NCAPH2: variants seen among roughly 807,000 people sequenced by gnomAD.
The protein encoded by NCAPH2 is non-SMC condensin II complex subunit H2.
NCAPH2 carries 56 observed loss-of-function variants against 88.6 expected under a neutral mutation model. The ratio of observed to expected loss-of-function variants is 0.63; its 90% CI spans 0.51 to 0.79. The LOEUF is 0.79. NCAPH2 is among the 30% of genes least tolerant of loss of function. The pLI is 0.00. For missense variants in NCAPH2, 794 were observed against 792.0 expected, an observed-to-expected ratio of 1.00 and a Z score of -0.03; for synonymous variants, 378 against 313.6, an observed-to-expected ratio of 1.21 and a Z score of -2.17.
intron 1 of NCAPH2, among the ~76,000 whole-genome samples, chr22:50,510,319 T>C (rs994413873): frequency 2.0e-5 from 3 of 152,176 alleles, no homozygotes; most frequent in Admixed American, 6.5e-5. Context: ...CAGGCTGGTC[T>C]CAAACTGCTG....
chr22:50,519,483 C>A (rs977160107), intron 9 of NCAPH2, 163 bp downstream of exon 9: 1 of 1,438,320 alleles, frequency 7.0e-7, no homozygotes, highest in Non-Finnish European at 9.1e-7. Context: ...TGCAACCAGC[C>A]CTTTTGAAGA....
chr22:50,517,042 C>G (rs1218267006), intron 2 of NCAPH2, among the ~76,000 whole-genome samples: 1 of 152,192 alleles, frequency 6.6e-6, no homozygotes, highest in Non-Finnish European at 1.5e-5. Flanking sequence ...CTGGCGGGAG[C>G]ACACGGGCGG....
chr22:50,524,191 G>A lies in NCAPH2; in HGVS notation c.*816G>A, dbSNP rs773919773. 3 of 1,608,772 alleles carry A rather than the reference G, an allele frequency of 1.9e-6. No homozygotes were observed. In the South Asian group the frequency reaches 3.3e-5, roughly 18 times the overall value. On this transcript the variant is annotated 3_prime_UTR_variant, in exon 20 of 20. Transcript: ENST00000420993. ...CTTCTCAGCCCTCAGGGCCAGCCAG[G>A]CCCCACCGAGTCCAGCCCCGAACAG...
chr22:50,510,212 C>T (rs533237739), intron 1 of NCAPH2, among the ~76,000 whole-genome samples: 6 of 152,228 alleles, frequency 3.9e-5, no homozygotes, highest in East Asian at 3.9e-4. Context: ...TGAGCCACCG[C>T]GCCCGGCCTC....
In NCAPH2 at chr22:50,523,636, GCCATGTGCCGCCGCACACT is replaced by G. The variant is rs2069186085; in HGVS notation, c.*262_*280del. ...TCAAGACAGGACACTGCGGAAAGCC[GCCATGTGCCGCCGCACACT>G]GTCTGAGATCTGCTCAGCCGATCTG... On this transcript the variant is annotated 3_prime_UTR_variant, in exon 20 of 20. Transcript: ENST00000420993. 1.9e-6 allele frequency: 3 copies of G among 1,613,646 alleles called. No homozygotes were observed. The highest frequency in any genetic ancestry group is 2.5e-6 in the Non-Finnish European group (3 of 1,180,052).
intron 9 of NCAPH2, 187 bp from the exon 10 acceptor site, chr22:50,520,778 G>C: frequency 1.7e-6 from 1 of 595,998 alleles, no homozygotes; most frequent in Non-Finnish European, 2.9e-6. Flanking sequence ...GGCCAGGCTG[G>C]TCTCAAACTC....
rs368250304 is a variant in NCAPH2, at chr22:50,517,614, G to A, written c.304G>A (p.Ala102Thr). The change falls in exon 4 of 20, where the codon GCC becomes ACC. Residue 102 changes from alanine (A) to threonine (T), a missense_variant. By Grantham distance (58) the Ala-to-Thr change is moderately conservative. Transcript: ENST00000420993. ...GCTCTCTTCGGTGCAGGAGGACAGG[G>A]CCAATGGGGTTGCCAGCTCCGGGGT... is the stretch of plus-strand genomic sequence containing the variant. The part of the protein sequence containing the change: ...KQLSSVQEDR[A>T]NGVASSGVPQ... 6.2e-7 allele frequency: 1 copy of A among 1,614,120 alleles called. No homozygotes were observed. Among genetic ancestry groups the A allele is most frequent in the Admixed American group, 1.7e-5 (1 of 60,032 alleles).
intron 2 of NCAPH2, 86 bp downstream of exon 2, chr22:50,516,634 G>A (rs1339736892): frequency 9.8e-6 from 12 of 1,224,734 alleles, no homozygotes; most frequent in African/African-American, 3.0e-5. Flanking sequence ...TGCAGTGGTC[G>A]TCCCGTCTGT....
rs779692981 is a variant in NCAPH2, at chr22:50,517,675, G to T, written c.351+14G>T. The T allele has an allele frequency of 6.2e-7, 1 of 1,613,996 alleles. No individual in the cohort carries two copies. Among genetic ancestry groups the T allele is most frequent in the Non-Finnish European group, 8.5e-7 (1 of 1,180,032 alleles). On this transcript the variant is annotated intron_variant, in intron 4 of 19. Transcript: ENST00000420993. ...GCAGAGAATGAGGTGAGTTTCTTTG[G>T]CATGTGGTCCCCGCCCACTGTGTGT... is the stretch of plus-strand genomic sequence containing the variant.
chr22:50,512,574 A>G (rs1338575401), intron 1 of NCAPH2, among the ~76,000 whole-genome samples: 1 of 116,966 alleles, frequency 8.5e-6, no homozygotes, highest in South Asian at 2.6e-4. Flanking sequence ...TTTTTTAGAT[A>G]GGTTCTTGCC....
intron 2 of NCAPH2, among the ~76,000 whole-genome samples, 182 bp from the exon 3 acceptor site, chr22:50,517,245 T>TA (rs1374506824): frequency 6.6e-6 from 1 of 152,270 alleles, no homozygotes; most frequent in African/African-American, 2.4e-5. Flanking sequence ...GCTGGTAAAG[T>TA]AATTCTCATG....
chr22:50,517,728 T>C lies in NCAPH2; in HGVS notation c.352-13T>C. 1 of 1,614,076 alleles carries C rather than the reference T, an allele frequency of 6.2e-7. No individual in the cohort carries two copies. Among genetic ancestry groups the C allele is most frequent in the South Asian group, 1.1e-5 (1 of 91,092 alleles). On this transcript the variant is annotated splice_polypyrimidine_tract_variant and intron_variant, in intron 4 of 19. Coordinates refer to ENST00000420993, the MANE Select transcript of NCAPH2 (RefSeq NM_152299.4). The stretch of plus-strand genomic sequence containing the variant: ...GCCTGGGCTCCGCCCCCACGAGCTC[T>C]GTCTCCCTCCAGTTCCTGTCGCTGG...
rs371904210 is a variant in NCAPH2 at position 50,521,468 on chromosome 22, G to T, written c.934-75G>T. 2.2e-4 allele frequency: 327 copies of T among 1,480,722 alleles called. 2 individuals are homozygous for T. In the South Asian group the frequency reaches 3.6e-3, roughly 16 times the overall value. 91.7% of individuals were successfully genotyped at this position (1,480,722 alleles called of 1,614,324 possible). A position where few individuals can be genotyped will look rare whatever the true frequency, so the allele number is the denominator to read the frequency against. ...ACTCTTCCTTTGGGAGGGTGGCTGT[G>T]CATCCCCTACTCCTTTGGGAGGGAC... is the stretch of plus-strand genomic sequence containing the variant. On this transcript the variant is annotated intron_variant, in intron 10 of 19. Coordinates refer to ENST00000420993, the MANE Select transcript of NCAPH2 (RefSeq NM_152299.4).
chr22:50,518,179 A>T lies in NCAPH2; in HGVS notation c.547A>T (p.Thr183Ser). 6.2e-7 allele frequency: 1 copy of T among 1,614,118 alleles called. No individual in the cohort carries two copies. Among genetic ancestry groups the T allele is most frequent in the South Asian group, 1.1e-5 (1 of 91,086 alleles). ...CAGCCGGAAGGATTTCAGGATGAAC[A>T]CGTGCGTTCCCCACCCCAGAGGGGC... ...LASRKDFRMN[T>S]CVPHPRGAFM... Residue 183 changes from threonine to serine, a missense_variant, in exon 7 of 20, where the codon ACG becomes TCG. Around this residue, in one of 2 missense-constraint regions of NCAPH2, gnomAD observed 735 missense variants for 696.3 expected, o/e 1.06. Transcript: ENST00000420993.
chr22:50,523,070 G>A lies in NCAPH2; in HGVS notation c.1581G>A (p.Arg527=), dbSNP rs1420982553. 6 of 1,608,914 alleles carry A rather than the reference G, an allele frequency of 3.7e-6. No homozygotes were observed. Among genetic ancestry groups the A allele is most frequent in the Non-Finnish European group, 5.1e-6 (6 of 1,176,414 alleles). ...IHTYGDQLVS[R]FPQLNEWCPF... is the part of the protein sequence containing the mutation. ...CCTATGGGGACCAGCTGGTCTCACG[G>A]TTCCCCCAGCTCAATGAGTGGTGTC... The change falls in exon 19 of 20, where the codon CGG becomes CGA. Residue 527 remains arginine, a synonymous_variant. Coordinates refer to ENST00000420993, the MANE Select transcript of NCAPH2 (RefSeq NM_152299.4).
At chr22:50,521,123 C>T in intron 10 of NCAPH2, 87 bp downstream of exon 10, 1 of 1,462,646 alleles carries the variant, frequency 6.8e-7, no homozygotes, top group Non-Finnish European at 9.2e-7. Context: ...CTTGCTCCTG[C>T]TGGCCTGTGG....
intron 1 of NCAPH2, among the ~76,000 whole-genome samples, chr22:50,511,590 C>G (rs1165880720): frequency 1.4e-5 from 2 of 144,058 alleles, no homozygotes; most frequent in Non-Finnish European, 2.9e-5. Context: ...CGCGTCCGAT[C>G]CTGCCTCAGC....
Position 50,522,917 on chromosome 22 carries a change from G to C in NCAPH2, c.1522G>C (p.Glu508Gln), listed in dbSNP as rs778560246. Reference protein sequence around the residue: ...WEDTVQPLLQEQEQHVPFDIH... With the variant: ...WEDTVQPLLQQQEQHVPFDIH... ...GGACACAGTGCAGCCTCTGCTCCAGGAGCAGGTGAGGCGGGGCCGCTGGGA... is the reference window on the plus strand; with the variant it reads ...GGACACAGTGCAGCCTCTGCTCCAGCAGCAGGTGAGGCGGGGCCGCTGGGA... Residue 508 changes from glutamate (E) to glutamine (Q), a missense_variant, in exon 18 of 20, where the codon GAG (glutamate) becomes CAG (glutamine). Physicochemically the swap from Glu to Gln is conservative, Grantham distance 29. This residue lies in a region of NCAPH2 where 735 missense variants were observed against 696.3 expected (regional missense o/e 1.06). Transcript: ENST00000420993. 1 of 1,613,144 alleles carries C rather than the reference G, an allele frequency of 6.2e-7. No homozygotes were observed. Among genetic ancestry groups the C allele is most frequent in the South Asian group, 1.1e-5 (1 of 91,072 alleles).
intron 1 of NCAPH2, chr22:50,515,869 G>T: frequency 1.7e-6 from 2 of 1,171,780 alleles, no homozygotes; most frequent in Admixed American, 6.2e-5. Flanking sequence ...GAGCTGGTCG[G>T]GTTGGGTTTG....
Sources: gnomAD v4.1 joint callset for allele counts (sites outside exome capture counted in the v4.1 genomes callset) on GRCh38, gnomAD v4.1.1 for gene constraint, gnomAD v4.1.1 regional missense constraint, MANE v1.5 for transcripts, NCBI Gene and HGNC (gene_info 2026-07-23, HGNC 2026-07-21) for gene names.